The following NKTR variants were observed in gnomAD, a reference collection of about 807,000 sequenced individuals.
NKTR encodes the protein natural killer cell triggering receptor.
NKTR carries 67 observed loss-of-function variants against 156.3 expected under a neutral mutation model. The ratio of observed to expected loss-of-function variants is 0.43; its 90% CI spans 0.35 to 0.53. NKTR has a LOEUF of 0.53. NKTR is among the 20% of genes least tolerant of loss of function. NKTR has a pLI of 0.01. For synonymous variants in NKTR, 640 were observed against 596.6 expected, an observed-to-expected ratio of 1.07 and a Z score of -1.06; for missense variants, 1,604 against 1,730.9, an observed-to-expected ratio of 0.93 and a Z score of 1.30.
intron 9 of NKTR, 180 bp downstream of exon 9, chr3:42,633,003 G>T (rs1281887522): frequency 2.3e-6 from 3 of 1,284,374 alleles, no homozygotes; most frequent in Non-Finnish European, 3.0e-6. Flanking sequence ...TCATTTCAAA[G>T]ATTTGTGTGT....
chr3:42,640,255 T>C (rs1709770628), intron 13 of NKTR, among the ~76,000 whole-genome samples: 1 of 152,206 alleles, frequency 6.6e-6, no homozygotes, highest in African/African-American at 2.4e-5. Context: ...TGAAAAGCAA[T>C]AAAAGAATTT....
intron 12 of NKTR, 28 bp from the exon 13 acceptor site, chr3:42,636,840 C>G: frequency 6.6e-7 from 1 of 1,525,648 alleles, no homozygotes; most frequent in South Asian, 1.3e-5. Context: ...TTATAAATCA[C>G]CGCATGAATA....
intron 15 of NKTR, 21 bp from the exon 16 acceptor site, chr3:42,643,881 T>G (rs758131544): frequency 5.7e-6 from 9 of 1,574,316 alleles, no homozygotes; most frequent in Admixed American, 3.4e-5. Context: ...AATTTAGTGT[T>G]TGTTGTTGCC....
intron 6 of NKTR, among the ~76,000 whole-genome samples, chr3:42,626,439 C>G (rs1207928738): frequency 6.6e-6 from 1 of 151,962 alleles, no homozygotes; most frequent in East Asian, 1.9e-4. Flanking sequence ...TGGGGAAAAT[C>G]AGAGATTAGA....
intron 6 of NKTR, chr3:42,627,834 T>TG: frequency 2.0e-6 from 2 of 985,352 alleles, no homozygotes; most frequent in Non-Finnish European, 2.4e-6. Flanking sequence ...ACTGAGCATG[T>TG]GTCACCATTG....
intron 16 of NKTR, among the ~76,000 whole-genome samples, 198 bp from the exon 17 acceptor site, chr3:42,645,689 AG>A: frequency 6.6e-6 from 1 of 152,266 alleles, no homozygotes; most frequent in South Asian, 2.1e-4. Flanking sequence ...CATCTCAAAA[AG>A]AAAAAGAAAA....
chr3:42,602,978 A>G (rs2125754022), intron 2 of NKTR: 1 of 150,420 alleles, frequency 6.6e-6, no homozygotes, highest in East Asian at 2.0e-4. Context: ...GTGAGTAGAG[A>G]TTATACCACT....
chr3:42,601,943 G>GA (rs1434729585), intron 2 of NKTR: 1 of 152,018 alleles, frequency 6.6e-6, no homozygotes, highest in Non-Finnish European at 1.5e-5. Flanking sequence ...GGACAACTAG[G>GA]AAAAAAATAA....
chr3:42,629,449 A>G, intron 6 of NKTR: 1 of 954,068 alleles, frequency 1.0e-6, no homozygotes, highest in Non-Finnish European at 1.2e-6. Flanking sequence ...TCCTTGTAGA[A>G]TAAATATTTT....
In NKTR at chr3:42,648,152, C is replaced by T. The variant is rs1710471725; in HGVS notation, c.*2177C>T. 1 of 152,230 alleles carries T rather than the reference C, an allele frequency of 6.6e-6. No homozygotes were observed. 9.4% of individuals were successfully genotyped at this position (152,230 alleles called of 1,614,324 possible). A position where few individuals can be genotyped will look rare whatever the true frequency, so the allele number is the denominator to read the frequency against. On this transcript the variant is annotated 3_prime_UTR_variant, in exon 17 of 17. Transcript: ENST00000232978. ...ATGCTTCATATCTCTCTCCCGTCCT[C>T]CTGTTTTAGGGGCATATGATTAGCT...
intron 6 of NKTR, 107 bp downstream of exon 6, chr3:42,621,623 T>C: frequency 8.9e-7 from 1 of 1,121,450 alleles, no homozygotes; most frequent in South Asian, 1.6e-5. Context: ...CTGTCAGCTT[T>C]ATTTTTATTA....
At position 42,636,763 on chromosome 3, in the gene NKTR, T is replaced by G. The variant is rs935172150; in HGVS notation, c.1164-105T>G. The G allele has an allele frequency of 4.9e-6, 7 of 1,442,936 alleles. No homozygotes were observed. In the African/African-American group the frequency reaches 8.6e-5, roughly 18 times the overall value. The allele number at this position is 1,442,936 out of a possible 1,614,324, so 89.4% of individuals were successfully genotyped here. ...CTGATTCACGCTTCCTGCGTGTGCTTAAAGTGTTAATGGGGTCAAGAACTT... is the reference window on the plus strand; with the variant it reads ...CTGATTCACGCTTCCTGCGTGTGCTGAAAGTGTTAATGGGGTCAAGAACTT... On this transcript the variant is annotated intron_variant, in intron 12 of 16. Coordinates refer to ENST00000232978, the MANE Select transcript of NKTR (RefSeq NM_005385.4).
rs571269805 is a variant in NKTR, at chr3:42,646,435, A to T, written c.*460A>T. The T allele has an allele frequency of 1.3e-5, 2 of 155,548 alleles. No individual in the cohort carries two copies. The highest frequency in any genetic ancestry group is 4.8e-5 in the African/African-American group (2 of 41,468). The allele number at this position is 155,548 out of a possible 1,614,324, so 9.6% of individuals were successfully genotyped here. ...TAGAGTCTTGTACATATGTGCTCTA[A>T]AAACAAACCACCCAGAATTGATACT... On this transcript the variant is annotated 3_prime_UTR_variant, in exon 17 of 17. Coordinates refer to ENST00000232978, the MANE Select transcript of NKTR (RefSeq NM_005385.4).
intron 5 of NKTR, chr3:42,620,558 G>T (rs1038933686): frequency 5.1e-6 from 5 of 984,788 alleles, no homozygotes; most frequent in Non-Finnish European, 6.0e-6. Flanking sequence ...TCAGAAGCCT[G>T]TTCCCAAGGT....
chr3:42,619,467 T>C, intron 4 of NKTR, 197 bp from the exon 5 acceptor site: 1 of 1,399,074 alleles, frequency 7.1e-7, no homozygotes, highest in Non-Finnish European at 9.2e-7. Context: ...AAGATGACTT[T>C]TTTGATGGTA....
rs1394021747 is a variant in NKTR at position 42,639,061 on chromosome 3, G to C, written c.3357G>C (p.Val1119=). The change falls in exon 13 of 17, where the codon GTG becomes GTC. Residue 1119 remains valine (V), a synonymous_variant. Coordinates refer to ENST00000232978, the MANE Select transcript of NKTR (RefSeq NM_005385.4). ...TTGAAGAAAGTGTTCCCAATGGAGT[G>C]GAAGATGTGCTTCAAACAGATGACA... ...QHVEESVPNG[V]EDVLQTDDNM... 1.2e-6 allele frequency: 2 copies of C among 1,614,012 alleles called. No individual in the cohort carries two copies.
intron 2 of NKTR, among the ~76,000 whole-genome samples, chr3:42,614,297 T>TA (rs1332336461): frequency 5.3e-5 from 8 of 152,322 alleles, no homozygotes; most frequent in East Asian, 3.9e-4. Context: ...CAGAGAGACT[T>TA]ACGCAAATTC....
At chr3:42,645,741 A>G in intron 16 of NKTR, 147 bp from the exon 17 acceptor site, 1 of 521,664 alleles carries the variant, frequency 1.9e-6, no homozygotes, top group East Asian at 3.0e-5. Flanking sequence ...CCTCTGTGTT[A>G]TGCTGCATCA....
intron 2 of NKTR, among the ~76,000 whole-genome samples, chr3:42,608,053 G>A (rs578026586): frequency 4.5e-5 from 6 of 132,410 alleles, no homozygotes; most frequent in Admixed American, 9.1e-5. Flanking sequence ...GCAATGGCGC[G>A]ATCTCAGCTC....
Sources: gnomAD v4.1 joint callset for allele counts (sites outside exome capture counted in the v4.1 genomes callset) on GRCh38, gnomAD v4.1.1 for gene constraint, MANE v1.5 for transcripts, NCBI Gene and HGNC (gene_info 2026-07-23, HGNC 2026-07-21) for gene names.